Variants in LRIF1 observed in about 807,000 individuals in gnomAD.
The protein encoded by LRIF1 is ligand dependent nuclear receptor interacting factor 1, also known as ligand-dependent nuclear receptor-interacting factor 1.
Under a neutral mutation model 52.7 loss-of-function variants are expected in LRIF1, and 32 were observed. The observed-to-expected ratio is 0.61, with a 90% CI of 0.46 to 0.82. The LOEUF (loss-of-function observed/expected upper bound fraction) is 0.82. LRIF1 is among the 40% of genes least tolerant of loss of function. The pLI, the probability that LRIF1 is intolerant of heterozygous loss-of-function variation, is 0.00. For synonymous variants in LRIF1, 323 were observed against 317.4 expected (o/e 1.02, Z -0.19); for missense variants, 887 against 892.0 (o/e 0.99, Z 0.07).
chr1:110,909,092 A>T, the LRIF1 span, among the ~76,000 whole-genome samples: 29,284 of 152,106 alleles, frequency 0.19, 3,214 homozygotes, highest in Middle Eastern at 0.3. Context: ...AAGAAAAAAA[A>T]ATCCAATCAA....
At chr1:110,907,948 T>A in the LRIF1 span, among the ~76,000 whole-genome samples, 1 of 152,172 alleles carries the variant, frequency 6.6e-6, no homozygotes, top group African/African-American at 2.4e-5. Context: ...CAATAGTTAT[T>A]ACTGAATACA....
intron 1 of LRIF1, among the ~76,000 whole-genome samples, chr1:110,962,776 T>G (rs1237758664): frequency 6.6e-6 from 1 of 152,188 alleles, no homozygotes; most frequent in Admixed American, 6.5e-5. Flanking sequence ...GTTTTGCATC[T>G]TAGTTCTTCA....
At chr1:110,908,250 C>G in the LRIF1 span, among the ~76,000 whole-genome samples, 2 of 152,066 alleles carry the variant, frequency 1.3e-5, no homozygotes, top group Admixed American at 1.3e-4. Context: ...AAGCAAAAAG[C>G]CCCATTCAAA....
chr1:110,946,920 G>T (rs1658223516), downstream of LRIF1, among the ~76,000 whole-genome samples: 1 of 152,060 alleles, frequency 6.6e-6, no homozygotes, highest in African/African-American at 2.4e-5. Flanking sequence ...GCCTCCCAAA[G>T]TGCTGGGATT....
rs999949876 is a variant in LRIF1, at chr1:110,952,256, G to A, written c.628C>T (p.Leu210Phe). Residue 210 changes from leucine (L) to phenylalanine (F), a missense_variant, in exon 2 of 4, where the codon CTT (leucine) becomes TTT (phenylalanine). Transcript: ENST00000369763. ...GAGGTACTGGTGGTGGCAGTTGCAA[G>A]TATCTTTTGCTGCACTGAAGGAGGC... ...SLPPSVQQKI[L>F]ATATTSTSGM... 1 of 1,614,214 alleles carries A rather than the reference G, an allele frequency of 6.2e-7. No homozygotes were observed. Among genetic ancestry groups the A allele is most frequent in the Non-Finnish European group, 8.5e-7 (1 of 1,180,038 alleles).
the LRIF1 span, among the ~76,000 whole-genome samples, chr1:110,893,602 G>A: frequency 1.5e-4 from 23 of 152,342 alleles, no homozygotes; most frequent in Middle Eastern, 3.4e-3. Flanking sequence ...GATTATAGGC[G>A]TAAGCCACTG....
At chr1:110,882,782 A>C in the LRIF1 span, among the ~76,000 whole-genome samples, 1 of 151,994 alleles carries the variant, frequency 6.6e-6, no homozygotes, top group South Asian at 2.1e-4. Flanking sequence ...TTCTTTCACA[A>C]CTTTTGTCAG....
At chr1:110,956,236 T>G (rs1202568631) in intron 1 of LRIF1, among the ~76,000 whole-genome samples, 1 of 152,020 alleles carries the variant, frequency 6.6e-6, no homozygotes, top group African/African-American at 2.4e-5. Context: ...GGGAGACAGG[T>G]AGTGGTTATG....
chr1:110,880,300 G>C, the LRIF1 span: 4 of 152,232 alleles, frequency 2.6e-5, no homozygotes, highest in African/African-American at 9.7e-5. Context: ...GGGCCCTTAT[G>C]GCATGTGGCA....
At chr1:110,915,799 A>G in the LRIF1 span, among the ~76,000 whole-genome samples, 1 of 152,212 alleles carries the variant, frequency 6.6e-6, no homozygotes, top group South Asian at 2.1e-4. Context: ...TTTAGATATT[A>G]TGTCACACAA....
At chr1:110,894,287 T>G in the LRIF1 span, 1 of 1,572,088 alleles carries the variant, frequency 6.4e-7, no homozygotes, top group East Asian at 2.2e-5. Flanking sequence ...GGGACGAGAA[T>G]GGGGATCAGT....
At chr1:110,902,495 T>TAA in the LRIF1 span, among the ~76,000 whole-genome samples, 232 of 72,614 alleles carry the variant, frequency 3.2e-3, 1 homozygote, top group African/African-American at 5.6e-3. Context: ...AATCAATCAC[T>TAA]AAAAAAAAAA....
At chr1:110,899,014 G>C in the LRIF1 span, 2 of 731,896 alleles carry the variant, frequency 2.7e-6, no homozygotes, top group African/African-American at 3.5e-5. Context: ...GGTTGGAAGG[G>C]TGGTTTCAGT....
the LRIF1 span, among the ~76,000 whole-genome samples, chr1:110,935,616 G>A: frequency 6.6e-6 from 1 of 152,164 alleles, no homozygotes; most frequent in Admixed American, 6.5e-5. Context: ...GAAAGAATTA[G>A]TGAGCTTAAA....
rs949169665 is a variant in LRIF1 at position 110,947,978 on chromosome 1, T to C, written c.2291A>G (p.Lys764Arg). Residue 764 changes from lysine to arginine, a missense_variant, in exon 4 of 4, where the codon AAG becomes AGG. Lys to Arg is a conservative substitution (Grantham distance 26). Transcript: ENST00000369763. ...GAGATTTTATTTTTGGTGCATCTTCTTACGCATTTCTTCAAGAGCTGCTTC... is the reference window on the plus strand; with the variant it reads ...GAGATTTTATTTTTGGTGCATCTTCCTACGCATTTCTTCAAGAGCTGCTTC... ...EKEAALEEMR[K>R]KMHQK 9.5e-6 allele frequency: 15 copies of C among 1,582,196 alleles called. No homozygotes were observed. Among genetic ancestry groups the C allele is most frequent in the African/African-American group, 1.4e-5 (1 of 72,856 alleles).
At chr1:110,888,883 G>C in the LRIF1 span, among the ~76,000 whole-genome samples, 1 of 152,124 alleles carries the variant, frequency 6.6e-6, no homozygotes, top group Non-Finnish European at 1.5e-5. Flanking sequence ...GCTGCTCAAG[G>C]GGACTACATT....
In LRIF1 at chr1:110,950,096, C is replaced by T. The variant is rs965712529; in HGVS notation, c.1624G>A (p.Asp542Asn). Reference protein sequence around the residue: ...KIHNEMASTSDKGAQGRNDKK... With the variant: ...KIHNEMASTSNKGAQGRNDKK... Reference sequence around the variant, plus strand: ...TCATTTCTTCCTTGGGCACCTTTATCTGATGTTGATGCCATCTCATTATGG... The same window carrying T: ...TCATTTCTTCCTTGGGCACCTTTATTTGATGTTGATGCCATCTCATTATGG... The change falls in exon 3 of 4, where the codon GAT becomes AAT. Residue 542 changes from aspartate to asparagine, a missense_variant. Physicochemically the swap from Asp to Asn is conservative, Grantham distance 23 (BLOSUM62 1). Coordinates refer to ENST00000369763, the MANE Select transcript of LRIF1 (RefSeq NM_018372.4). 8.7e-6 allele frequency: 14 copies of T among 1,613,226 alleles called. No homozygotes were observed. Among genetic ancestry groups the T allele is most frequent in the Non-Finnish European group, 1.2e-5 (14 of 1,179,642 alleles).
At chr1:110,906,761 T>C in the LRIF1 span, among the ~76,000 whole-genome samples, 1 of 152,162 alleles carries the variant, frequency 6.6e-6, no homozygotes, top group Non-Finnish European at 1.5e-5. Flanking sequence ...AATTGGGCTA[T>C]AGATTCAATG....
At chr1:110,937,843 G>C in the LRIF1 span, 1 of 151,820 alleles carries the variant, frequency 6.6e-6, no homozygotes, top group Non-Finnish European at 1.5e-5. Context: ...GAAAAAAGGA[G>C]ACACAAATTA....
Sources: gnomAD v4.1 joint callset for allele counts (sites outside exome capture counted in the v4.1 genomes callset) on GRCh38, gnomAD v4.1.1 for gene constraint, MANE v1.5 for transcripts, NCBI Gene and HGNC (gene_info 2026-07-23, HGNC 2026-07-21) for gene names.